Variants in NCR2 observed in about 807,000 individuals in gnomAD.
NCR2 encodes NK cell activating receptor (NKp44).
In NCR2, 35 loss-of-function variants were observed where a neutral mutation model predicts 30.7. That is an observed-to-expected ratio of 1.14 (90% confidence interval 0.87 to 1.51). The LOEUF (loss-of-function observed/expected upper bound fraction) is 1.51, where lower values mean the gene tolerates loss of function less well. Ranked by LOEUF, NCR2 falls within the 40% of genes most tolerant of loss-of-function variation. NCR2 has a pLI of 0.00. For missense variants in NCR2, 316 were observed against 328.9 expected (o/e 0.96, Z 0.30); for synonymous variants, 146 against 134.8 (o/e 1.08, Z -0.58).
intron 4 of NCR2, among the ~76,000 whole-genome samples, chr6:41,342,499 C>T (rs1214619908): frequency 6.7e-6 from 1 of 148,964 alleles, no homozygotes; most frequent in Non-Finnish European, 1.5e-5. Context: ...CTCTCCCTGT[C>T]TCTCTACCCC....
At chr6:41,339,394 T>C (rs577915989) in intron 2 of NCR2, among the ~76,000 whole-genome samples, 13 of 149,914 alleles carry the variant, frequency 8.7e-5, no homozygotes, top group African/African-American at 3.2e-4. Flanking sequence ...GTTGTTATTG[T>C]TGTTGTTTTG....
chr6:41,346,033 A>C (rs1467719204), intron 4 of NCR2, among the ~76,000 whole-genome samples: 1 of 151,914 alleles, frequency 6.6e-6, no homozygotes, highest in African/African-American at 2.4e-5. Context: ...ATCCTCCCTA[A>C]AGCACTCCAC....
chr6:41,335,736 T>C lies in NCR2; in HGVS notation c.-141T>C. On this transcript the variant is annotated 5_prime_UTR_variant, in exon 1 of 5. Coordinates refer to ENST00000373089, the MANE Select transcript of NCR2 (RefSeq NM_004828.4). ...AGAATCTGCCCTTTGCAGTCTCCCA[T>C]CTCCCCAACCCAGGCCTCAGCCTGT... is the stretch of plus-strand genomic sequence containing the variant. The C allele has an allele frequency of 1.1e-6, 1 of 938,614 alleles. No individual in the cohort carries two copies. Among genetic ancestry groups the C allele is most frequent in the South Asian group, 1.4e-5 (1 of 70,668 alleles). The allele number at this position is 938,614 out of a possible 1,614,324, so 58.1% of individuals were successfully genotyped here.
At chr6:41,350,600 G>A (rs1769402624) in intron 4 of NCR2, 78 bp from the exon 5 acceptor site, 1 of 1,284,492 alleles carries the variant, frequency 7.8e-7, no homozygotes, top group African/African-American at 1.5e-5. Context: ...GTGGGATGGG[G>A]AAGGGGTTGC....
intron 4 of NCR2, among the ~76,000 whole-genome samples, chr6:41,345,596 C>T (rs1769280959): frequency 6.6e-6 from 1 of 152,074 alleles, no homozygotes; most frequent in East Asian, 1.9e-4. Context: ...TGGCCCCCTC[C>T]CCTTCCCCCA....
rs865913443 is a variant in NCR2 at position 41,336,202 on chromosome 6, G to A, written c.168G>A (p.Lys56=). 4 of 1,614,204 alleles carry A rather than the reference G, an allele frequency of 2.5e-6. No homozygotes were observed. The South Asian group carries it at 3.3e-5, about 13-fold the overall frequency. The part of the protein sequence containing the change: ...GSLYEKKGWC[K]EASALVCIRL... The stretch of plus-strand genomic sequence containing the variant: ...TCTACGAGAAGAAAGGCTGGTGTAA[G>A]GAGGCTTCAGCACTTGTGTGCATCA... The change falls in exon 2 of 5, where the codon AAG becomes AAA. Residue 56 remains lysine (K), a synonymous_variant. Transcript: ENST00000373089.
intron 4 of NCR2, chr6:41,342,907 C>G: frequency 6.5e-7 from 1 of 1,548,930 alleles, no homozygotes; most frequent in Non-Finnish European, 8.7e-7. Context: ...TATTTCTCCC[C>G]TCATCTCAAG....
intron 2 of NCR2, among the ~76,000 whole-genome samples, chr6:41,337,756 A>G (rs748803038): frequency 2.0e-5 from 3 of 152,238 alleles, no homozygotes; most frequent in Non-Finnish European, 2.9e-5. Flanking sequence ...TACAAAAGGA[A>G]GCAAGCGATG....
intron 2 of NCR2, among the ~76,000 whole-genome samples, chr6:41,336,704 G>T (rs927291728): frequency 1.3e-5 from 2 of 152,142 alleles, no homozygotes; most frequent in African/African-American, 4.8e-5. Context: ...CCCTGCTACA[G>T]GAGGGCAGGA....
intron 2 of NCR2, among the ~76,000 whole-genome samples, chr6:41,337,238 G>C (rs1769055169): frequency 6.6e-6 from 1 of 152,052 alleles, no homozygotes; most frequent in Admixed American, 6.5e-5. Context: ...TAAAGTACAA[G>C]CCCAACATTT....
chr6:41,345,299 G>A (rs1769275222), intron 4 of NCR2, among the ~76,000 whole-genome samples: 1 of 151,934 alleles, frequency 6.6e-6, no homozygotes, highest in Non-Finnish European at 1.5e-5. Flanking sequence ...CAACTTTCTG[G>A]GGTTCCAAGG....
intron 3 of NCR2, 33 bp downstream of exon 3, chr6:41,341,962 C>T (rs377658597): frequency 1.7e-4 from 281 of 1,611,970 alleles, no homozygotes; most frequent in Non-Finnish European, 2.1e-4. Context: ...CCACACAGGC[C>T]TGGGCGGGGG....
Position 41,336,190 on chromosome 6 carries a change from A to G in NCR2, c.156A>G (p.Lys52=), listed in dbSNP as rs887592646. The change falls in exon 2 of 5, where the codon AAA becomes AAG. Residue 52 remains lysine, a synonymous_variant. Coordinates refer to ENST00000373089, the MANE Select transcript of NCR2 (RefSeq NM_004828.4). Reference sequence around the variant, plus strand: ...CCACGGGCAGTCTCTACGAGAAGAAAGGCTGGTGTAAGGAGGCTTCAGCAC... The same window carrying G: ...CCACGGGCAGTCTCTACGAGAAGAAGGGCTGGTGTAAGGAGGCTTCAGCAC... ...YPPTGSLYEK[K]GWCKEASALV... 3 of 1,614,186 alleles carry G rather than the reference A, an allele frequency of 1.9e-6. No individual in the cohort carries two copies. The highest frequency in any genetic ancestry group is 2.5e-6 in the Non-Finnish European group (3 of 1,180,032).
At chr6:41,341,667 T>C in intron 2 of NCR2, 127 bp from the exon 3 acceptor site, 2 of 1,240,326 alleles carry the variant, frequency 1.6e-6, no homozygotes, top group East Asian at 4.7e-5. Flanking sequence ...CCCCTCAAAT[T>C]AGTTTTCTTC....
rs1311037102 is a variant in NCR2 at position 41,336,233 on chromosome 6, G to A, written c.199G>A (p.Val67Ile). ...TTCAGCACTTGTGTGCATCAGGTTAGTCACCAGCTCCAAGCCCAGGACGAT... is the reference window on the plus strand; with the variant it reads ...TTCAGCACTTGTGTGCATCAGGTTAATCACCAGCTCCAAGCCCAGGACGAT... ...EASALVCIRL[V>I]TSSKPRTMAW... is the part of the protein sequence containing the mutation. Residue 67 changes from valine to isoleucine, a missense_variant, in exon 2 of 5, where the codon GTC becomes ATC. Physicochemically the swap from Val to Ile is conservative, Grantham distance 29 (BLOSUM62 3). Coordinates refer to ENST00000373089, the MANE Select transcript of NCR2 (RefSeq NM_004828.4). 1 of 1,614,064 alleles carries A rather than the reference G, an allele frequency of 6.2e-7. No individual in the cohort carries two copies. Among genetic ancestry groups the A allele is most frequent in the Non-Finnish European group, 8.5e-7 (1 of 1,180,038 alleles).
intron 4 of NCR2, among the ~76,000 whole-genome samples, chr6:41,344,573 T>C (rs1769253296): frequency 6.6e-6 from 1 of 152,258 alleles, no homozygotes; most frequent in Non-Finnish European, 1.5e-5. Context: ...GATCACATTT[T>C]TCATTTCTAA....
Position 41,340,111 on chromosome 6 carries a change from C to T in NCR2, c.395-1683C>T, listed in dbSNP as rs932003331. ...ATAAATCATAAAATTATACATCTTT[C>T]GAGATGTTTATACACTTTTGGGCTA... On this transcript the variant is annotated intron_variant, in intron 2 of 4. Transcript: ENST00000373089. Among the ~76,000 whole-genome samples the T allele has an allele frequency of 6.0e-5, 9 of 150,620 alleles. No homozygotes were observed. The South Asian group carries it at 6.4e-4, about 11-fold the overall frequency.
At chr6:41,341,763 C>T in intron 2 of NCR2, 31 bp from the exon 3 acceptor site, 1 of 1,592,436 alleles carries the variant, frequency 6.3e-7, no homozygotes, top group Non-Finnish European at 8.5e-7. Context: ...GTCTCCCACT[C>T]ACTAACCACG....
intron 2 of NCR2, 25 bp from the exon 3 acceptor site, chr6:41,341,769 C>G: frequency 2.5e-6 from 4 of 1,598,122 alleles, no homozygotes; most frequent in Non-Finnish European, 3.4e-6. Flanking sequence ...CACTCACTAA[C>G]CACGCTCTTT....
Sources: allele counts gnomAD v4.1 joint callset (sites outside exome capture counted in the v4.1 genomes callset), GRCh38; gene constraint gnomAD v4.1.1; transcripts MANE v1.5; gene names NCBI Gene and HGNC (gene_info 2026-07-23, HGNC 2026-07-21).